Variants in TAFA5 observed in about 807,000 individuals in gnomAD.
The protein encoded by TAFA5 is chemokine-like protein TAFA-5.
In TAFA5, 6 loss-of-function variants were observed where a neutral mutation model predicts 15.3. The observed-to-expected ratio is 0.39, with a 90% CI of 0.21 to 0.77. The LOEUF (loss-of-function observed/expected upper bound fraction) is 0.77. Among genes scored for constraint, TAFA5 ranks in the 30% least tolerant of loss-of-function variants. The pLI is 0.41. For synonymous variants in TAFA5, 103 were observed against 80.7 expected (o/e 1.28, Z -1.48); for missense variants, 161 against 193.1 (o/e 0.83, Z 0.98).
intron 3 of TAFA5, among the ~76,000 whole-genome samples, chr22:48,735,995 G>C (rs1930005852): frequency 3.0e-5 from 1 of 33,088 alleles, no homozygotes; most frequent in Admixed American, 4.2e-4. Context: ...CACTCCTGGA[G>C]TCCAGAGTCC....
intron 1 of TAFA5, among the ~76,000 whole-genome samples, chr22:48,506,844 A>C (rs887366557): frequency 2.0e-5 from 3 of 152,148 alleles, no homozygotes; most frequent in African/African-American, 7.2e-5. Context: ...CACCAAATTC[A>C]TCAACATCCC....
At chr22:48,628,131 C>A (rs963285565) in intron 1 of TAFA5, among the ~76,000 whole-genome samples, 1 of 152,144 alleles carries the variant, frequency 6.6e-6, no homozygotes, top group African/African-American at 2.4e-5. Context: ...CTGGTGGGTC[C>A]TTGGGGTTGA....
chr22:48,675,403 G>C (rs1569074645), intron 2 of TAFA5, among the ~76,000 whole-genome samples: 1 of 152,336 alleles, frequency 6.6e-6, no homozygotes, highest in East Asian at 1.9e-4. Context: ...GCAGCCTTCA[G>C]GGATCAGCCT....
At chr22:48,608,746 G>A (rs1925289661) in intron 1 of TAFA5, among the ~76,000 whole-genome samples, 1 of 152,206 alleles carries the variant, frequency 6.6e-6, no homozygotes, top group Non-Finnish European at 1.5e-5. Flanking sequence ...AGAGTGCCGT[G>A]GAGGGGCTCC....
At chr22:48,541,553 G>A (rs1425721587) in intron 1 of TAFA5, among the ~76,000 whole-genome samples, 1 of 152,200 alleles carries the variant, frequency 6.6e-6, no homozygotes, top group African/African-American at 2.4e-5. Flanking sequence ...GAGGAGCCCA[G>A]GCACATTCCC....
rs191433831 is a variant in TAFA5, at chr22:48,524,905, A to G, written c.112+35201A>G. 6.2e-4 allele frequency among the ~76,000 whole-genome samples: 95 copies of G among 152,114 alleles called. 1 individual carries two copies. Among genetic ancestry groups the G allele is most frequent in the East Asian group, 5.8e-4 (3 of 5,144 alleles). On this transcript the variant is annotated intron_variant, in intron 1 of 3. Coordinates refer to ENST00000402357, the MANE Select transcript of TAFA5 (RefSeq NM_001082967.3). ...TCCCAGGCTCCTGGGGCATTCTCTG[A>G]TCCAGGCGCGGGTTTCCTGTGGGTA...
intron 1 of TAFA5, among the ~76,000 whole-genome samples, chr22:48,606,655 T>A (rs541243236): frequency 6.6e-6 from 1 of 152,346 alleles, no homozygotes; most frequent in African/African-American, 2.4e-5. Flanking sequence ...CAAAAGCGGT[T>A]TTGCTGCTGC....
At position 48,598,068 on chromosome 22, in the gene TAFA5, C is replaced by T. The variant is rs539744930; in HGVS notation, c.113-48529C>T. Reference sequence around the variant, plus strand: ...TTTTAAAAATAAGCTTCTGCAGTTTCAGAGGCTGTCAGTATGACATCTGCA... The same window carrying T: ...TTTTAAAAATAAGCTTCTGCAGTTTTAGAGGCTGTCAGTATGACATCTGCA... On this transcript the variant is annotated intron_variant, in intron 1 of 3. Transcript: ENST00000402357. The surrounding 1 kb of genome is among the most constrained non-coding windows in gnomAD (Gnocchi z 4.0). Among the ~76,000 whole-genome samples, 3 of 152,278 alleles carry T rather than the reference C, an allele frequency of 2.0e-5. No homozygotes were observed. Among genetic ancestry groups the T allele is most frequent in the African/African-American group, 7.2e-5 (3 of 41,562 alleles).
chr22:48,706,775 ATTT>A (rs1259013002), intron 2 of TAFA5, among the ~76,000 whole-genome samples: 1 of 152,106 alleles, frequency 6.6e-6, no homozygotes, highest in Non-Finnish European at 1.5e-5. Flanking sequence ...GGAAGGACAT[ATTT>A]TTTCCCAGTT....
chr22:48,605,911 A>C (rs1224137697), intron 1 of TAFA5, among the ~76,000 whole-genome samples: 2 of 152,156 alleles, frequency 1.3e-5, no homozygotes, highest in Non-Finnish European at 2.9e-5. Flanking sequence ...AGAGTCCCTC[A>C]TGGGTTCACA....
chr22:48,638,333 T>C (rs1454074701), intron 1 of TAFA5, among the ~76,000 whole-genome samples: 1 of 63,144 alleles, frequency 1.6e-5, no homozygotes, highest in African/African-American at 7.2e-5. Flanking sequence ...CACTAAGCCC[T>C]GGGCCACACA....
chr22:48,680,725 C>G (rs1188002851), intron 2 of TAFA5, among the ~76,000 whole-genome samples: 1 of 152,236 alleles, frequency 6.6e-6, no homozygotes, highest in African/African-American at 2.4e-5. Flanking sequence ...CGTGGGAGGT[C>G]CTGGTCCAGT....
intron 1 of TAFA5, among the ~76,000 whole-genome samples, chr22:48,580,998 C>T (rs1050783480): frequency 1.3e-5 from 2 of 152,184 alleles, no homozygotes; most frequent in South Asian, 2.1e-4. Flanking sequence ...CTCCAGCAGA[C>T]GCTGTTTGCA....
In TAFA5 at chr22:48,560,968, T is replaced by C. The variant is rs1004605338; in HGVS notation, c.112+71264T>C. On this transcript the variant is annotated intron_variant, in intron 1 of 3. Coordinates refer to ENST00000402357, the MANE Select transcript of TAFA5 (RefSeq NM_001082967.3). The surrounding 1 kb of genome is among the most constrained non-coding windows in gnomAD (Gnocchi z 4.2). ...TCCTGTGTGTGAGCAGTTCTCATCC[T>C]GTGCAGTCCTCTACACCTGGGGATG... Among the ~76,000 whole-genome samples, 1 of 152,166 alleles carries C rather than the reference T, an allele frequency of 6.6e-6. No individual in the cohort carries two copies. Among genetic ancestry groups the C allele is most frequent in the South Asian group, 2.1e-4 (1 of 4,830 alleles).
chr22:48,687,027 G>C (rs1482712904), intron 2 of TAFA5, among the ~76,000 whole-genome samples: 2 of 151,630 alleles, frequency 1.3e-5, no homozygotes, highest in African/African-American at 4.9e-5. Flanking sequence ...TGGATGGATG[G>C]ATGGATTGAT....
intron 1 of TAFA5, among the ~76,000 whole-genome samples, chr22:48,588,718 C>T (rs1169791729): frequency 1.3e-5 from 2 of 152,136 alleles, no homozygotes; most frequent in Non-Finnish European, 2.9e-5. Context: ...CAGGGCAGGG[C>T]CTGGAGGTTC....
At chr22:48,701,450 G>A (rs530602627) in intron 2 of TAFA5, among the ~76,000 whole-genome samples, 3 of 152,154 alleles carry the variant, frequency 2.0e-5, no homozygotes, top group African/African-American at 7.2e-5. Context: ...CTGGGACCCT[G>A]CCTGCCCGCT....
At chr22:48,689,149 C>T (rs970230833) in intron 2 of TAFA5, among the ~76,000 whole-genome samples, 2 of 152,190 alleles carry the variant, frequency 1.3e-5, no homozygotes, top group Non-Finnish European at 2.9e-5. Context: ...CAGAAGTCTT[C>T]AGCTGCAAAT....
chr22:48,706,246 A>G (rs930742543), intron 2 of TAFA5, among the ~76,000 whole-genome samples: 1 of 152,254 alleles, frequency 6.6e-6, no homozygotes, highest in African/African-American at 2.4e-5. Flanking sequence ...AAAGGAAAAC[A>G]GGAAGGGGCT....
Sources: allele counts gnomAD v4.1 joint callset (sites outside exome capture counted in the v4.1 genomes callset), GRCh38; gene constraint gnomAD v4.1.1; non-coding constraint Gnocchi (gnomAD v3.1); transcripts MANE v1.5; gene names NCBI Gene and HGNC (gene_info 2026-07-23, HGNC 2026-07-21).